ASMT: variants seen among roughly 807,000 people sequenced by gnomAD.
The protein encoded by ASMT is acetylserotonin N-methyltransferase.
A neutral mutation model predicts 41.3 loss-of-function variants in ASMT; 53 were observed. The ratio of observed to expected loss-of-function variants is 1.28; its 90% CI spans 1.03 to 1.61. The LOEUF (loss-of-function observed/expected upper bound fraction) is 1.61. Ranked by LOEUF, ASMT falls within the 40% of genes most tolerant of loss-of-function variation. The probability of loss-of-function intolerance (pLI) is 0.00; values close to 1 mark genes in which losing one functional copy is unlikely to be tolerated. For synonymous variants in ASMT, 231 were observed against 184.8 expected, an observed-to-expected ratio of 1.25 and a Z score of -2.03; for missense variants, 531 against 441.3, an observed-to-expected ratio of 1.20 and a Z score of -1.82.
rs780967376 is a variant in ASMT, at chrX:1,624,368, G to C, written c.344G>C (p.Arg115Pro). 1 of 1,613,754 alleles carries C rather than the reference G, an allele frequency of 6.2e-7. No individual in the cohort carries two copies. Residue 115 changes from arginine (R) to proline (P), a missense_variant, in exon 3 of 9, where the codon CGG (arginine) becomes CCG (proline). Arg to Pro is a moderately radical substitution (Grantham distance 103, BLOSUM62 -2). Coordinates refer to ENST00000381241, the MANE Select transcript of ASMT (RefSeq NM_001171038.2). ...AAGTACATGGGCAGGACCAGCTACC[G>C]GTGCTGGGGCCACCTGGCAGACGCC... ...MLKYMGRTSY[R>P]CWGHLADAVR... is the part of the protein sequence containing the mutation.
At chrX:1,641,353 C>CTGTGTG (rs1259612792) in intron 8 of ASMT, among the ~76,000 whole-genome samples, 3 of 116,068 alleles carry the variant, frequency 2.6e-5, no homozygotes, top group African/African-American at 9.4e-5. Flanking sequence ...GACACAGCCT[C>CTGTGTG]TGTGTGTGTG....
intron 5 of ASMT, among the ~76,000 whole-genome samples, chrX:1,632,119 C>T (rs186185054): frequency 3.7e-4 from 56 of 152,152 alleles, no homozygotes; most frequent in Non-Finnish European, 6.9e-4. Context: ...TCTCTGTGGC[C>T]CATGATGGAT....
chrX:1,622,423 T>G (rs1444714739), intron 1 of ASMT, among the ~76,000 whole-genome samples: 2 of 150,594 alleles, frequency 1.3e-5, no homozygotes, highest in African/African-American at 4.9e-5. Context: ...CCCAAGTAGT[T>G]GGGATTACAG....
rs766790103 is a variant in ASMT at position 1,629,325 on chromosome X, G to C, written c.444-496G>C. 2.2e-4 allele frequency among the ~76,000 whole-genome samples: 33 copies of C among 151,638 alleles called. No individual in the cohort carries two copies. The East Asian group carries it at 2.9e-3, about 13-fold the overall frequency. On this transcript the variant is annotated intron_variant, in intron 4 of 8. Transcript: ENST00000381241. Reference sequence around the variant, plus strand: ...AGGACAGGAGGAGAGAGGGAGCTGTGGGGGGGGAGGAGCAGGAAATGCTTC... The same window carrying C: ...AGGACAGGAGGAGAGAGGGAGCTGTCGGGGGGGAGGAGCAGGAAATGCTTC...
intron 8 of ASMT, among the ~76,000 whole-genome samples, chrX:1,641,885 T>A (rs1255620399): frequency 2.0e-5 from 3 of 148,414 alleles, no homozygotes; most frequent in Admixed American, 7.0e-5. Context: ...CAGTGTCCTG[T>A]GAGGTCCACC....
Position 1,636,558 on chromosome X carries a change from C to G in ASMT, c.908C>G (p.Pro303Arg). Residue 303 changes from proline (P) to arginine (R), a missense_variant and splice_region_variant, in exon 8 of 9, where the codon CCA becomes CGA. Transcript: ENST00000381241. Reference sequence around the variant, plus strand: ...GAGAGGATCTACCACACTTGCAAGCCAGGTAAGTTGTGGGGTTTGCATTTC... The same window carrying G: ...GAGAGGATCTACCACACTTGCAAGCGAGGTAAGTTGTGGGGTTTGCATTTC... ...LLERIYHTCK[P>R]GGGILVIESL... 6.2e-7 allele frequency: 1 copy of G among 1,609,456 alleles called. No homozygotes were observed. The highest frequency in any genetic ancestry group is 8.5e-7 in the Non-Finnish European group (1 of 1,178,782).
Position 1,619,770 on chromosome X carries a change from A to G in ASMT, c.70-3369A>G, listed in dbSNP as rs142240509. Among the ~76,000 whole-genome samples the G allele has an allele frequency of 7.7e-3, 1,173 of 151,890 alleles. 21 individuals carry two copies. Among genetic ancestry groups the G allele is most frequent in the African/African-American group, 0.027 (1,103 of 41,458 alleles). On this transcript the variant is annotated intron_variant, in intron 1 of 8. Coordinates refer to ENST00000381241, the MANE Select transcript of ASMT (RefSeq NM_001171038.2). ...AAAGGAATGAATACAACTTTAATGA[A>G]TAAAACAAAACAGAACGCTAATTTA...
intron 1 of ASMT, among the ~76,000 whole-genome samples, chrX:1,616,960 G>T (rs1431843902): frequency 1.3e-5 from 2 of 151,848 alleles, no homozygotes; most frequent in East Asian, 3.9e-4. Flanking sequence ...CGCCCGCCTC[G>T]GCCTCCCAAA....
chrX:1,627,806 TA>T (rs1459183980), intron 4 of ASMT, 35 bp downstream of exon 4: 2 of 1,589,374 alleles, frequency 1.3e-6, no homozygotes, highest in Non-Finnish European at 8.6e-7. Context: ...ACAACTCAGA[TA>T]AGATTCTGTT....
intron 7 of ASMT, among the ~76,000 whole-genome samples, chrX:1,635,764 A>G (rs1266743083): frequency 6.6e-6 from 1 of 151,664 alleles, no homozygotes; most frequent in Non-Finnish European, 1.5e-5. Context: ...CAGGAGGCTG[A>G]GGCAGGAGAA....
chrX:1,620,984 T>C (rs776170060), intron 1 of ASMT, among the ~76,000 whole-genome samples: 13 of 151,650 alleles, frequency 8.6e-5, no homozygotes, highest in Middle Eastern at 3.4e-3. Context: ...TAATCACAGC[T>C]ACTCGGGAGG....
intron 1 of ASMT, among the ~76,000 whole-genome samples, chrX:1,618,625 CG>C (rs202105532): frequency 0.016 from 2,371 of 149,826 alleles, 60 homozygotes; most frequent in African/African-American, 0.055. Flanking sequence ...TTGGTAGAGA[CG>C]GGGTTTCATC....
intron 8 of ASMT, among the ~76,000 whole-genome samples, chrX:1,641,421 T>C (rs6644792): frequency 0.69 from 70,088 of 102,162 alleles, 27,624 homozygotes; most frequent in East Asian, 0.95. Context: ...TCCATGAGGA[T>C]GTGGACACAG....
chrX:1,621,135 CTG>C (rs1361591564), intron 1 of ASMT, among the ~76,000 whole-genome samples: 14 of 151,988 alleles, frequency 9.2e-5, no homozygotes, highest in Non-Finnish European at 1.8e-4. Context: ...TAGGTGTAAT[CTG>C]TGTTTCTTTC....
intron 4 of ASMT, among the ~76,000 whole-genome samples, chrX:1,629,176 A>G (rs1335193771): frequency 2.0e-5 from 3 of 152,136 alleles, no homozygotes; most frequent in African/African-American, 7.2e-5. Flanking sequence ...CCATGCTTAC[A>G]TGTTGCACCT....
chrX:1,642,863 CG>C lies in ASMT; in HGVS notation c.972del (p.Gln325SerfsTer5). On this transcript the variant is annotated frameshift_variant, in exon 9 of 9. Coordinates refer to ENST00000381241, the MANE Select transcript of ASMT (RefSeq NM_001171038.2). LOFTEE classifies it high-confidence loss of function. Reference protein sequence around the residue: ...LDEDRRGPLLTQLYSLNMLVQ... With the variant: ...LDEDRRGPLLXQLYSLNMLVQ... Reference sequence around the variant, plus strand: ...GAAGACAGGCGAGGTCCTCTGCTCACGCAGCTCTACTCTCTGAACATGCTTG... The same window carrying C: ...GAAGACAGGCGAGGTCCTCTGCTCACCAGCTCTACTCTCTGAACATGCTTG... 6.2e-7 allele frequency: 1 copy of C among 1,613,962 alleles called. No individual in the cohort carries two copies. The highest frequency in any genetic ancestry group is 1.1e-5 in the South Asian group (1 of 91,070).
rs1429847044 is a variant in ASMT at position 1,616,735 on chromosome X, G to A, written c.69+1467G>A. 1.3e-5 allele frequency among the ~76,000 whole-genome samples: 2 copies of A among 150,332 alleles called. 1 individual carries two copies. Among genetic ancestry groups the A allele is most frequent in the Non-Finnish European group, 3.0e-5 (2 of 67,304 alleles). On this transcript the variant is annotated intron_variant, in intron 1 of 8. Coordinates refer to ENST00000381241, the MANE Select transcript of ASMT (RefSeq NM_001171038.2). ...AATTCTTTTTTCTTTTTGAGACAGA[G>A]TCTCGCTCTGTCGCCCAGGCTGGAG... is the stretch of plus-strand genomic sequence containing the variant.
intron 3 of ASMT, among the ~76,000 whole-genome samples, chrX:1,625,768 C>G (rs1251323886): frequency 2.0e-5 from 3 of 151,434 alleles, no homozygotes; most frequent in Non-Finnish European, 4.4e-5. Flanking sequence ...TCCTGGCTAA[C>G]ACGGTGAAAC....
At chrX:1,630,300 A>ATTTTT (rs36011956) in intron 5 of ASMT, among the ~76,000 whole-genome samples, 9 of 71,098 alleles carry the variant, frequency 1.3e-4, no homozygotes, top group East Asian at 4.5e-4. Context: ...CACCAGGCTA[A>ATTTTT]TTTTTTTTTT....
Sources: gnomAD v4.1 joint callset for allele counts (sites outside exome capture counted in the v4.1 genomes callset) on GRCh38, gnomAD v4.1.1 for gene constraint, MANE v1.5 for transcripts, NCBI Gene and HGNC (gene_info 2026-07-23, HGNC 2026-07-21) for gene names.